Variants in DNAAF4 observed in about 807,000 individuals in gnomAD.
DNAAF4 encodes the protein dynein axonemal assembly factor 4, also known as dynein assembly factor 4, axonemal.
Under a neutral mutation model 51.8 loss-of-function variants are expected in DNAAF4, and 43 were observed. The ratio of observed to expected loss-of-function variants is 0.83; its 90% confidence interval spans 0.65 to 1.07. The LOEUF is 1.07. DNAAF4 is among the 50% of genes least tolerant of loss of function. The pLI is 0.00. For synonymous variants in DNAAF4, 194 were observed against 165.6 expected (o/e 1.17, Z -1.32); for missense variants, 581 against 493.0 (o/e 1.18, Z -1.69).
chr15:55,468,923 A>G (rs1270613250), intron 4 of DNAAF4, among the ~76,000 whole-genome samples: 1 of 152,208 alleles, frequency 6.6e-6, no homozygotes, highest in African/African-American at 2.4e-5. Context: ...AAACCAAGAA[A>G]GGCTTCACAG....
intron 5 of DNAAF4, among the ~76,000 whole-genome samples, chr15:55,454,733 G>A (rs2057991282): frequency 6.6e-6 from 1 of 152,124 alleles, no homozygotes; most frequent in Non-Finnish European, 1.5e-5. Context: ...CAGAATTGAT[G>A]AATGACAAAG....
At chr15:55,446,515 C>A (rs2057820708) in intron 6 of DNAAF4, among the ~76,000 whole-genome samples, 3 of 148,366 alleles carry the variant, frequency 2.0e-5, no homozygotes, top group African/African-American at 7.5e-5. Context: ...GGCAGAGGTG[C>A]TCCTCACTTC....
chr15:55,467,320 G>C (rs376800696), intron 4 of DNAAF4, among the ~76,000 whole-genome samples, 159 bp from the exon 5 acceptor site: 1 of 152,088 alleles, frequency 6.6e-6, no homozygotes, highest in African/African-American at 2.4e-5. Flanking sequence ...AATGGGAAAG[G>C]TAAATGATTC....
In DNAAF4 at chr15:55,448,827, G is replaced by A. The variant is rs545514290; in HGVS notation, c.783+1395C>T. On this transcript the variant is annotated intron_variant, in intron 6 of 9. Coordinates refer to ENST00000321149, the MANE Select transcript of DNAAF4 (RefSeq NM_130810.4). The stretch of plus-strand genomic sequence containing the variant: ...GGAGCTTGCAGTGAGCGGAGACTGC[G>A]CCACTGCACTCCAGCCTAGGGGACA... Among the ~76,000 whole-genome samples the A allele has an allele frequency of 2.9e-4, 44 of 149,850 alleles. 1 individual carries two copies. Among genetic ancestry groups the A allele is most frequent in the African/African-American group, 1.1e-3 (44 of 40,822 alleles).
At chr15:55,475,656 A>T (rs1329144804) in intron 4 of DNAAF4, among the ~76,000 whole-genome samples, 5 of 152,184 alleles carry the variant, frequency 3.3e-5, no homozygotes, top group African/African-American at 1.2e-4. Flanking sequence ...TTGGTGCTCA[A>T]AAGTTACAGA....
chr15:55,478,667 C>A (rs1025148524), intron 4 of DNAAF4, among the ~76,000 whole-genome samples: 2 of 152,146 alleles, frequency 1.3e-5, no homozygotes, highest in Admixed American at 6.6e-5. Flanking sequence ...GAGAAGAACT[C>A]CCTTCAATTT....
intron 8 of DNAAF4, 25 bp from the exon 9 acceptor site, chr15:55,432,627 CAAGA>C (rs1329324605): frequency 6.4e-7 from 1 of 1,570,668 alleles, no homozygotes; most frequent in East Asian, 2.3e-5. Context: ...ATAATTATTA[CAAGA>C]AAGTTATAGT....
At position 55,461,194 on chromosome 15, in the gene DNAAF4, G is replaced by A. The variant is rs555778523; in HGVS notation, c.637+5736C>T. Among the ~76,000 whole-genome samples the A allele has an allele frequency of 5.7e-3, 873 of 151,902 alleles. 4 individuals carry two copies. Among genetic ancestry groups the A allele is most frequent in the Non-Finnish European group, 0.011 (735 of 67,966 alleles). The stretch of plus-strand genomic sequence containing the variant: ...TGCCATTCTCCTGCCTCAGCCTCCC[G>A]AGTAGCTGGGACTACAGGTGCCCCC... On this transcript the variant is annotated intron_variant, in intron 5 of 9. Coordinates refer to ENST00000321149, the MANE Select transcript of DNAAF4 (RefSeq NM_130810.4).
intron 5 of DNAAF4, among the ~76,000 whole-genome samples, chr15:55,458,834 G>A (rs2058055109): frequency 6.6e-6 from 1 of 152,162 alleles, no homozygotes; most frequent in Non-Finnish European, 1.5e-5. Flanking sequence ...AGCACTTTGG[G>A]AGGCCAAGGC....
chr15:55,441,109 T>A (rs2057704330), intron 6 of DNAAF4, among the ~76,000 whole-genome samples: 1 of 151,530 alleles, frequency 6.6e-6, no homozygotes, highest in Non-Finnish European at 1.5e-5. Flanking sequence ...TCGCACTCTG[T>A]CCCCCAGGCT....
intron 8 of DNAAF4, among the ~76,000 whole-genome samples, chr15:55,433,757 TAAATATATATAATTGTTTTTATAAAAC>T (rs1370580377): frequency 8.3e-6 from 1 of 120,810 alleles, no homozygotes; most frequent in South Asian, 2.3e-4. Flanking sequence ...TTTTTATATA[TAAATATATATAATTGTTTTTATAAAAC>T]AAATATATAT....
At chr15:55,497,912 C>T (rs1567036120) in intron 2 of DNAAF4, 53 bp from the exon 3 acceptor site, 1 of 1,551,304 alleles carries the variant, frequency 6.4e-7, no homozygotes. Context: ...ATTAAGCACG[C>T]GTATTAAGAA....
chr15:55,491,147 T>C lies in DNAAF4; in HGVS notation c.381A>G (p.Lys127=). ...AKAAAKREDQ[K]YALSVMMKIE... ...CCTTCATCATGACACTTAGTGCGTA[T>C]TTTTGATCTTCCCGCTTTGCTGCAG... The change falls in exon 4 of 10, where the codon AAA becomes AAG. Residue 127 remains lysine (K), a synonymous_variant. Transcript: ENST00000321149. The C allele has an allele frequency of 6.2e-7, 1 of 1,614,080 alleles. No homozygotes were observed. The highest frequency in any genetic ancestry group is 8.5e-7 in the Non-Finnish European group (1 of 1,180,006).
At chr15:55,436,837 T>C (rs2057620143) in intron 7 of DNAAF4, among the ~76,000 whole-genome samples, 1 of 150,180 alleles carries the variant, frequency 6.7e-6, no homozygotes, top group Non-Finnish European at 1.5e-5. Flanking sequence ...TCTTTTTATC[T>C]TGAGATGGAG....
intron 4 of DNAAF4, among the ~76,000 whole-genome samples, chr15:55,487,167 T>A (rs747144287): frequency 6.6e-6 from 1 of 152,212 alleles, no homozygotes; most frequent in Non-Finnish European, 1.5e-5. Context: ...TAAAGGATTG[T>A]AAACGCACCA....
chr15:55,495,635 C>T (rs1341848747), intron 3 of DNAAF4, among the ~76,000 whole-genome samples: 1 of 151,926 alleles, frequency 6.6e-6, no homozygotes. Context: ...CTCAGGAGGT[C>T]GAGGCAGGAG....
chr15:55,432,879 G>A (rs1393433498), intron 8 of DNAAF4, among the ~76,000 whole-genome samples: 2 of 152,094 alleles, frequency 1.3e-5, no homozygotes, highest in Non-Finnish European at 2.9e-5. Flanking sequence ...GAACCAGGGA[G>A]GCAGAGCTTG....
intron 8 of DNAAF4, among the ~76,000 whole-genome samples, chr15:55,433,995 A>AAT (rs1555413895): frequency 6.0e-5 from 2 of 33,284 alleles, no homozygotes; most frequent in Non-Finnish European, 6.2e-5. Flanking sequence ...TAATATATAT[A>AAT]ATATTATATA....
At chr15:55,464,500 A>G (rs998268922) in intron 5 of DNAAF4, among the ~76,000 whole-genome samples, 2 of 152,240 alleles carry the variant, frequency 1.3e-5, no homozygotes, top group African/African-American at 4.8e-5. Flanking sequence ...AGAAATAATC[A>G]GCACAGTAAA....
Sources: gnomAD v4.1 joint callset for allele counts (sites outside exome capture counted in the v4.1 genomes callset) on GRCh38, gnomAD v4.1.1 for gene constraint, MANE v1.5 for transcripts, NCBI Gene and HGNC (gene_info 2026-07-23, HGNC 2026-07-21) for gene names.